NCK2: variants seen among roughly 807,000 people sequenced by gnomAD.
NCK2 encodes NCK adaptor protein 2.
Under a neutral mutation model 33.9 loss-of-function variants are expected in NCK2, and 16 were observed. The ratio of observed to expected loss-of-function variants is 0.47; its 90% confidence interval spans 0.32 to 0.72. NCK2 has a LOEUF of 0.72. Among genes scored for constraint, NCK2 ranks in the 30% least tolerant of loss-of-function variants. NCK2 has a pLI of 0.03. For missense variants in NCK2, 418 were observed against 537.3 expected, an observed-to-expected ratio of 0.78 and a Z score of 2.19; for synonymous variants, 273 against 239.9, an observed-to-expected ratio of 1.14 and a Z score of -1.27.
At chr2:105,857,287 C>G (rs1474992833) in intron 3 of NCK2, 3 of 152,266 alleles carry the variant, frequency 2.0e-5, no homozygotes, top group Non-Finnish European at 2.9e-5. Context: ...GCGTGTACTC[C>G]CAGGCTCTCA....
At chr2:105,746,024 G>A (rs970081931) in intron 1 of NCK2, 2 of 149,884 alleles carry the variant, frequency 1.3e-5, no homozygotes, top group African/African-American at 4.9e-5. Context: ...GATGCTAGGG[G>A]TCATTGGCTG....
At chr2:105,800,624 A>G (rs967312125) in intron 1 of NCK2, among the ~76,000 whole-genome samples, 1 of 152,354 alleles carries the variant, frequency 6.6e-6, no homozygotes, top group African/African-American at 2.4e-5. Context: ...CCTAAGAACA[A>G]GAAACATTCA....
chr2:105,799,270 T>A (rs1573606536), intron 1 of NCK2, among the ~76,000 whole-genome samples: 2 of 149,398 alleles, frequency 1.3e-5, no homozygotes, highest in Non-Finnish European at 3.0e-5. Flanking sequence ...GTCCTAGGTT[T>A]AAAAAAAAAA....
At chr2:105,863,250 T>C (rs1288965237) in intron 3 of NCK2, among the ~76,000 whole-genome samples, 1 of 152,178 alleles carries the variant, frequency 6.6e-6, no homozygotes, top group African/African-American at 2.4e-5. Flanking sequence ...TCATCGTGAT[T>C]ATAAATATTC....
intron 1 of NCK2, among the ~76,000 whole-genome samples, chr2:105,802,325 A>G (rs1372093704): frequency 6.6e-6 from 1 of 152,208 alleles, no homozygotes; most frequent in African/African-American, 2.4e-5. Flanking sequence ...GGCATCCTTA[A>G]CATGCCTTTA....
chr2:105,839,879 G>A (rs543209959), intron 2 of NCK2, among the ~76,000 whole-genome samples: 2 of 152,204 alleles, frequency 1.3e-5, no homozygotes, highest in South Asian at 4.1e-4. Flanking sequence ...AAGAAGGAAG[G>A]GTCAGCAAGG....
At chr2:105,892,845 CA>C (rs34235939) in intron 4 of NCK2, 136 bp from the exon 5 acceptor site, 56,123 of 461,788 alleles carry the variant, frequency 0.12, no homozygotes, top group South Asian at 0.15. Context: ...AACTCCATCT[CA>C]AAAAAAAAAA....
intron 1 of NCK2, among the ~76,000 whole-genome samples, chr2:105,783,939 C>G (rs1690586431): frequency 6.6e-6 from 1 of 152,216 alleles, no homozygotes; most frequent in African/African-American, 2.4e-5. Context: ...ATGAAACACC[C>G]TTTCTCTGCA....
chr2:105,854,160 G>T (rs374776374), intron 2 of NCK2: 1 of 152,178 alleles, frequency 6.6e-6, no homozygotes, highest in East Asian at 1.9e-4. Context: ...TTAAGGTTCC[G>T]CTATGTCTTT....
intron 4 of NCK2, 129 bp from the exon 5 acceptor site, chr2:105,892,853 A>G: frequency 1.4e-6 from 1 of 726,950 alleles, no homozygotes; most frequent in Non-Finnish European, 2.1e-6. Flanking sequence ...CTCAAAAAAA[A>G]AAAAAAAAGC....
intron 1 of NCK2, among the ~76,000 whole-genome samples, chr2:105,802,289 T>C (rs1674870000): frequency 6.6e-6 from 1 of 152,232 alleles, no homozygotes; most frequent in African/African-American, 2.4e-5. Flanking sequence ...CTGGGCCCAC[T>C]GTGCAGGGAT....
chr2:105,797,228 A>G (rs1389706454), intron 1 of NCK2, among the ~76,000 whole-genome samples: 1 of 152,080 alleles, frequency 6.6e-6, no homozygotes, highest in Non-Finnish European at 1.5e-5. Flanking sequence ...GGACACCCCT[A>G]TTTCAGCTCC....
At chr2:105,752,242 A>T (rs1689476723) in intron 1 of NCK2, among the ~76,000 whole-genome samples, 1 of 152,246 alleles carries the variant, frequency 6.6e-6, no homozygotes, top group African/African-American at 2.4e-5. Flanking sequence ...TAAAGAGACA[A>T]AGTGGAAACA....
intron 2 of NCK2, among the ~76,000 whole-genome samples, chr2:105,850,042 T>C (rs1261704842): frequency 6.6e-6 from 1 of 152,162 alleles, no homozygotes; most frequent in African/African-American, 2.4e-5. Context: ...GCACTTTGTA[T>C]TCATGTCTCT....
intron 3 of NCK2, among the ~76,000 whole-genome samples, chr2:105,866,367 A>T (rs563162832): frequency 6.6e-6 from 1 of 152,328 alleles, no homozygotes; most frequent in African/African-American, 2.4e-5. Flanking sequence ...TGTTACACAG[A>T]TGGCTTCTTG....
At chr2:105,787,156 C>T (rs1049050864) in intron 1 of NCK2, among the ~76,000 whole-genome samples, 2 of 152,234 alleles carry the variant, frequency 1.3e-5, no homozygotes, top group Non-Finnish European at 2.9e-5. Context: ...CCTGAGCACT[C>T]AGCTGGATTT....
intron 2 of NCK2, chr2:105,854,721 A>G (rs968070507): frequency 1.3e-5 from 3 of 227,580 alleles, no homozygotes; most frequent in African/African-American, 4.5e-5. Flanking sequence ...AACAGTTATC[A>G]GGAGGCAGTG....
At chr2:105,787,889 A>T (rs1044240235) in intron 1 of NCK2, among the ~76,000 whole-genome samples, 1 of 152,138 alleles carries the variant, frequency 6.6e-6, no homozygotes, top group Non-Finnish European at 1.5e-5. Context: ...TTAGAAACAC[A>T]TGCGTATACC....
intron 2 of NCK2, among the ~76,000 whole-genome samples, chr2:105,825,504 G>A (rs1675905481): frequency 6.6e-6 from 1 of 152,198 alleles, no homozygotes; most frequent in African/African-American, 2.4e-5. Flanking sequence ...TTGGAACATA[G>A]CAGATATGGG....
Sources: gnomAD v4.1 joint callset for allele counts (sites outside exome capture counted in the v4.1 genomes callset) on GRCh38, gnomAD v4.1.1 for gene constraint, MANE v1.5 for transcripts, NCBI Gene and HGNC (gene_info 2026-07-23, HGNC 2026-07-21) for gene names.